Variants in SUGCT observed in about 807,000 individuals in gnomAD.
The protein encoded by SUGCT is succinyl-CoA:glutarate-CoA transferase.
Under a neutral mutation model 55.0 loss-of-function variants are expected in SUGCT, and 41 were observed. The observed-to-expected ratio is 0.74, with a 90% confidence interval of 0.58 to 0.97. The LOEUF is 0.97. Among genes scored for constraint, SUGCT ranks in the 50% least tolerant of loss-of-function variants. SUGCT has a pLI of 0.00. For synonymous variants in SUGCT, 187 were observed against 200.4 expected, an observed-to-expected ratio of 0.93 and a Z score of 0.56; for missense variants, 568 against 547.8, an observed-to-expected ratio of 1.04 and a Z score of -0.37.
At chr7:40,671,708 A>G (rs754628699) in intron 12 of SUGCT, among the ~76,000 whole-genome samples, 9 of 152,202 alleles carry the variant, frequency 5.9e-5, no homozygotes, top group Non-Finnish European at 1.2e-4. Context: ...AATCAAATAT[A>G]CTTTTAAAGT....
At chr7:40,613,839 C>T (rs1484239401) in intron 12 of SUGCT, among the ~76,000 whole-genome samples, 6 of 152,054 alleles carry the variant, frequency 3.9e-5, no homozygotes, top group South Asian at 2.1e-4. Context: ...CCATGTTGGT[C>T]GGTTTGATCC....
At chr7:40,784,641 G>A (rs1385354063) in intron 13 of SUGCT, among the ~76,000 whole-genome samples, 1 of 152,028 alleles carries the variant, frequency 6.6e-6, no homozygotes, top group East Asian at 1.9e-4. Flanking sequence ...ACAATTATGA[G>A]TACAATGCTA....
intron 8 of SUGCT, among the ~76,000 whole-genome samples, chr7:40,279,207 A>C (rs1292201520): frequency 2.0e-5 from 3 of 152,100 alleles, no homozygotes; most frequent in Admixed American, 1.3e-4. Flanking sequence ...AGTAGTTCCC[A>C]TGAGAGATAA....
intron 9 of SUGCT, among the ~76,000 whole-genome samples, chr7:40,334,792 A>G (rs939496791): frequency 6.6e-6 from 1 of 152,066 alleles, no homozygotes; most frequent in Non-Finnish European, 1.5e-5. Flanking sequence ...TTTTGTTGCC[A>G]TTGCTTTTGG....
the SUGCT span, among the ~76,000 whole-genome samples, chr7:40,873,359 TCTATAGACCTC>T: frequency 6.6e-6 from 1 of 152,194 alleles, no homozygotes; most frequent in Non-Finnish European, 1.5e-5. Flanking sequence ...AATTGTTGAC[TCTATAGACCTC>T]AGCAAGTTAC....
intron 9 of SUGCT, among the ~76,000 whole-genome samples, chr7:40,427,437 T>A (rs1380373643): frequency 1.3e-5 from 2 of 152,160 alleles, no homozygotes; most frequent in Non-Finnish European, 2.9e-5. Flanking sequence ...CATTTCCCCC[T>A]TAACATAGTG....
intron 12 of SUGCT, among the ~76,000 whole-genome samples, chr7:40,576,453 A>G (rs1353005915): frequency 6.6e-6 from 1 of 152,230 alleles, no homozygotes; most frequent in African/African-American, 2.4e-5. Context: ...AAAAGGATAA[A>G]AAGTCTCTCC....
intron 9 of SUGCT, among the ~76,000 whole-genome samples, chr7:40,435,945 C>CTTTTTTTTTT (rs11297778): frequency 8.7e-6 from 1 of 114,598 alleles, no homozygotes; most frequent in African/African-American, 3.2e-5. Flanking sequence ...CTTTTCTTTT[C>CTTTTTTTTTT]TTTTTTTTTT....
chr7:40,628,059 G>A (rs892445219), intron 12 of SUGCT, among the ~76,000 whole-genome samples: 11 of 152,158 alleles, frequency 7.2e-5, no homozygotes, highest in African/African-American at 2.2e-4. Flanking sequence ...CCCCTTATCT[G>A]TAGTTTTGCT....
the SUGCT span, among the ~76,000 whole-genome samples, chr7:40,911,080 G>A: frequency 3.9e-5 from 6 of 151,996 alleles, no homozygotes; most frequent in Admixed American, 2.0e-4. Flanking sequence ...CCTTCCCTTC[G>A]CCATGGCTGA....
intron 9 of SUGCT, among the ~76,000 whole-genome samples, chr7:40,347,215 A>T (rs1258494097): frequency 2.0e-5 from 3 of 152,180 alleles, no homozygotes; most frequent in Non-Finnish European, 2.9e-5. Flanking sequence ...AGAGCTGGAG[A>T]TTATGCCTTC....
At chr7:40,439,062 G>GTA (rs1491138302) in intron 9 of SUGCT, among the ~76,000 whole-genome samples, 6,417 of 46,506 alleles carry the variant, frequency 0.14, 1,178 homozygotes, top group Middle Eastern at 0.16. Flanking sequence ...TATATATATG[G>GTA]TGTATATATA....
At position 40,566,184 on chromosome 7, in the gene SUGCT, C is replaced by A. The variant is rs184200466; in HGVS notation, c.1089+69798C>A. On this transcript the variant is annotated intron_variant, in intron 12 of 13. Transcript: ENST00000335693. ...CCCAGCACATGACCAAGTAAACAGA[C>A]AGAATATCATTACCACACCAAAAAT... 7.2e-5 allele frequency among the ~76,000 whole-genome samples: 11 copies of A among 152,190 alleles called. No homozygotes were observed. The East Asian group carries it at 2.1e-3, about 29-fold the overall frequency.
chr7:40,135,084 G>A lies in SUGCT; in HGVS notation c.64G>A (p.Gly22Ser). 1 of 1,559,152 alleles carries A rather than the reference G, an allele frequency of 6.4e-7. No homozygotes were observed. The highest frequency in any genetic ancestry group is 2.4e-5 in the East Asian group (1 of 41,510). ...RRTCLFSGRG[G>S]GRGLWTGRPQ... ...AACCTGCCTCTTCTCCGGCCGGGGC[G>A]GCGGGAGGGGGCTGTGGACTGGCCG... The change falls in exon 1 of 14, where the codon GGC becomes AGC. Residue 22 changes from glycine to serine, a missense_variant. Coordinates refer to ENST00000335693, the MANE Select transcript of SUGCT (RefSeq NM_001193313.2).
chr7:40,563,444 G>T (rs145255058), intron 12 of SUGCT, among the ~76,000 whole-genome samples: 1 of 152,020 alleles, frequency 6.6e-6, no homozygotes, highest in African/African-American at 2.4e-5. Flanking sequence ...GGTGGTTTAT[G>T]CCTGTAATCC....
chr7:41,024,653 C>T, the SUGCT span, among the ~76,000 whole-genome samples: 4 of 98,262 alleles, frequency 4.1e-5, no homozygotes, highest in Non-Finnish European at 7.6e-5. Context: ...TCACACCCAA[C>T]AATTTGGCAA....
rs562507892 is a variant in SUGCT, at chr7:40,276,322, G to A, written c.720+1666G>A. 1.3e-4 allele frequency among the ~76,000 whole-genome samples: 20 copies of A among 152,252 alleles called. No individual in the cohort carries two copies. The South Asian group carries it at 3.9e-3, about 30-fold the overall frequency. On this transcript the variant is annotated intron_variant, in intron 8 of 13. Coordinates refer to ENST00000335693, the MANE Select transcript of SUGCT (RefSeq NM_001193313.2). ...TTTAAGCTGTAAGGAACCTGAGGTA[G>A]GGTAAGCAACTGCATAAAAGTTGCA... is the stretch of plus-strand genomic sequence containing the variant.
At chr7:40,613,131 TA>T (rs199932735) in intron 12 of SUGCT, among the ~76,000 whole-genome samples, 44 of 149,156 alleles carry the variant, frequency 2.9e-4, no homozygotes, top group South Asian at 2.2e-4. Context: ...AGACTCCATC[TA>T]AAAAAAAAAT....
intron 12 of SUGCT, among the ~76,000 whole-genome samples, chr7:40,739,634 CAT>C (rs1326098621): frequency 3.9e-5 from 6 of 152,140 alleles, no homozygotes; most frequent in Non-Finnish European, 7.4e-5. Context: ...CTCCAGTACA[CAT>C]GTTTCAGTGC....
Sources: gnomAD v4.1 joint callset for allele counts (sites outside exome capture counted in the v4.1 genomes callset) on GRCh38, gnomAD v4.1.1 for gene constraint, MANE v1.5 for transcripts, NCBI Gene and HGNC (gene_info 2026-07-23, HGNC 2026-07-21) for gene names.